ZFAND3: variants seen among roughly 807,000 people sequenced by gnomAD.
ZFAND3 encodes the protein zinc finger AN1-type containing 3.
In ZFAND3, 10 loss-of-function variants were observed where a neutral mutation model predicts 29.6. The observed-to-expected ratio is 0.34, with a 90% CI of 0.21 to 0.57. ZFAND3 has a LOEUF of 0.57. Ranked by LOEUF, ZFAND3 falls within the 20% of genes least tolerant of loss-of-function variation. ZFAND3 has a pLI of 0.86. For synonymous variants in ZFAND3, 128 were observed against 112.6 expected, an observed-to-expected ratio of 1.14 and a Z score of -0.87; for missense variants, 230 against 304.5, an observed-to-expected ratio of 0.76 and a Z score of 1.82.
chr6:37,826,611 G>A (rs1459507790), intron 1 of ZFAND3, among the ~76,000 whole-genome samples: 4 of 152,054 alleles, frequency 2.6e-5, no homozygotes, highest in African/African-American at 9.7e-5. Context: ...AAAATTAACT[G>A]AGGTGGTGGC....
At chr6:37,836,208 A>T (rs746215331) in intron 1 of ZFAND3, among the ~76,000 whole-genome samples, 1 of 152,054 alleles carries the variant, frequency 6.6e-6, no homozygotes, top group Admixed American at 6.5e-5. Context: ...AAAACACATT[A>T]CTCATGCTTT....
intron 2 of ZFAND3, among the ~76,000 whole-genome samples, chr6:38,057,982 TG>T (rs1326974272): frequency 1.3e-5 from 2 of 152,020 alleles, no homozygotes; most frequent in Non-Finnish European, 2.9e-5. Context: ...AGAAGGAGTA[TG>T]GGTTAAAAGA....
At chr6:38,125,493 C>A (rs1765617629) in intron 5 of ZFAND3, among the ~76,000 whole-genome samples, 3 of 152,196 alleles carry the variant, frequency 2.0e-5, no homozygotes, top group Admixed American at 2.0e-4. Flanking sequence ...TCTTACAAGA[C>A]CGAATGTGCA....
chr6:37,909,280 T>C (rs1765475420), intron 1 of ZFAND3, among the ~76,000 whole-genome samples: 1 of 151,536 alleles, frequency 6.6e-6, no homozygotes, highest in African/African-American at 2.4e-5. Flanking sequence ...TTTTTTCTTT[T>C]TTTTTTTTTT....
rs190477330 is a variant in ZFAND3 at position 37,997,733 on chromosome 6, T to G, written c.113-63860T>G. 2.3e-4 allele frequency among the ~76,000 whole-genome samples: 35 copies of G among 152,362 alleles called. No homozygotes were observed. In the East Asian group the frequency reaches 6.6e-3, roughly 29 times the overall value. On this transcript the variant is annotated intron_variant, in intron 2 of 5. Coordinates refer to ENST00000287218, the MANE Select transcript of ZFAND3 (RefSeq NM_021943.3). Reference sequence around the variant, plus strand: ...CATTCATCCTTTGAATCCTAGTGTATACAGTGCCTGACACATAGTAGGCCC... The same window carrying G: ...CATTCATCCTTTGAATCCTAGTGTAGACAGTGCCTGACACATAGTAGGCCC...
intron 4 of ZFAND3, among the ~76,000 whole-genome samples, chr6:38,095,242 A>G (rs1298921141): frequency 1.3e-5 from 2 of 152,216 alleles, no homozygotes; most frequent in Admixed American, 6.5e-5. Context: ...TTTCAGGGCT[A>G]GCATCTGTGA....
intron 3 of ZFAND3, among the ~76,000 whole-genome samples, chr6:38,074,648 C>A (rs1011808817): frequency 2.6e-5 from 4 of 152,186 alleles, no homozygotes; most frequent in African/African-American, 9.6e-5. Flanking sequence ...AACAAAAATA[C>A]CTAGCTGAGA....
chr6:37,959,581 G>T (rs1480144046), intron 2 of ZFAND3, among the ~76,000 whole-genome samples: 5 of 152,122 alleles, frequency 3.3e-5, no homozygotes, highest in African/African-American at 7.2e-5. Flanking sequence ...AAATGGTAAT[G>T]ATTTCACATA....
At chr6:38,017,574 C>A (rs750085742) in intron 2 of ZFAND3, among the ~76,000 whole-genome samples, 1 of 151,940 alleles carries the variant, frequency 6.6e-6, no homozygotes, top group Non-Finnish European at 1.5e-5. Context: ...AAACTGTAAA[C>A]AATGTTCTTA....
At chr6:37,910,790 A>T (rs185508681) in intron 1 of ZFAND3, among the ~76,000 whole-genome samples, 1 of 152,318 alleles carries the variant, frequency 6.6e-6, no homozygotes, top group African/African-American at 2.4e-5. Flanking sequence ...AAATGAGATC[A>T]TGTGGTATTT....
intron 4 of ZFAND3, among the ~76,000 whole-genome samples, chr6:38,083,950 G>C (rs974184448): frequency 2.6e-5 from 4 of 151,984 alleles, no homozygotes; most frequent in Admixed American, 2.6e-4. Context: ...TTATATACAT[G>C]GTAATTTAAT....
chr6:37,950,275 G>A (rs1452748834), intron 2 of ZFAND3, among the ~76,000 whole-genome samples: 2 of 151,482 alleles, frequency 1.3e-5, no homozygotes, highest in African/African-American at 2.4e-5. Flanking sequence ...GTTGATTTTC[G>A]TATGTGGTAA....
chr6:38,032,366 A>G lies in ZFAND3; in HGVS notation c.113-29227A>G, dbSNP rs568457206. Among the ~76,000 whole-genome samples, 12 of 152,338 alleles carry G rather than the reference A, an allele frequency of 7.9e-5. No homozygotes were observed. In the South Asian group the frequency reaches 2.3e-3, roughly 29 times the overall value. ...TGTCAGTTGTTTGAAAGTTTCACCA[A>G]TAGAAATAATTTTGTGGAGAACATT... On this transcript the variant is annotated intron_variant, in intron 2 of 5. Coordinates refer to ENST00000287218, the MANE Select transcript of ZFAND3 (RefSeq NM_021943.3).
chr6:37,905,560 C>T (rs78902298), intron 1 of ZFAND3, among the ~76,000 whole-genome samples: 12 of 152,222 alleles, frequency 7.9e-5, no homozygotes, highest in African/African-American at 2.9e-4. Context: ...CTAGTGCTGA[C>T]TTTCTGTTCA....
chr6:38,145,892 A>G (rs957765830), intron 5 of ZFAND3, among the ~76,000 whole-genome samples: 1 of 152,154 alleles, frequency 6.6e-6, no homozygotes, highest in Non-Finnish European at 1.5e-5. Context: ...CTGCCTCTCT[A>G]TTCCGGGTGA....
At chr6:37,873,025 G>A (rs928228898) in intron 1 of ZFAND3, among the ~76,000 whole-genome samples, 5 of 152,196 alleles carry the variant, frequency 3.3e-5, no homozygotes, top group East Asian at 1.9e-4. Flanking sequence ...TTGGGAGGCC[G>A]AGGTGGGTGG....
In ZFAND3 at chr6:38,025,460, A is replaced by G. The variant is rs570927901; in HGVS notation, c.113-36133A>G. Among the ~76,000 whole-genome samples the G allele has an allele frequency of 2.6e-5, 4 of 152,332 alleles. No individual in the cohort carries two copies. In the South Asian group the frequency reaches 6.2e-4, roughly 24 times the overall value. ...GAATTTTTATTTTTTTGAAACTTGT[A>G]TTAACATCAGAGTCATTACTACAAA... On this transcript the variant is annotated intron_variant, in intron 2 of 5. Coordinates refer to ENST00000287218, the MANE Select transcript of ZFAND3 (RefSeq NM_021943.3).
chr6:37,900,871 T>C (rs1049459618), intron 1 of ZFAND3, among the ~76,000 whole-genome samples: 13 of 152,130 alleles, frequency 8.5e-5, no homozygotes, highest in Admixed American at 6.5e-4. Context: ...AGGCAGAATA[T>C]GGAGTGCCGA....
rs1479743128 is a variant in ZFAND3 at position 38,052,762 on chromosome 6, G to A, written c.113-8831G>A. Among the ~76,000 whole-genome samples the A allele has an allele frequency of 1.1e-4, 16 of 152,212 alleles. 1 individual carries two copies. Among genetic ancestry groups the A allele is most frequent in the Admixed American group, 4.6e-4 (7 of 15,290 alleles). On this transcript the variant is annotated intron_variant, in intron 2 of 5. Coordinates refer to ENST00000287218, the MANE Select transcript of ZFAND3 (RefSeq NM_021943.3). ...AAGCACTCCATGTTGACCGCCGGGC[G>A]TGGTGGCTCACGCCTGTAATCCCAG... is the stretch of plus-strand genomic sequence containing the variant.
Sources: allele counts gnomAD v4.1 joint callset (sites outside exome capture counted in the v4.1 genomes callset), GRCh38; gene constraint gnomAD v4.1.1; transcripts MANE v1.5; gene names NCBI Gene and HGNC (gene_info 2026-07-23, HGNC 2026-07-21).